SFI1: variants seen among roughly 807,000 people sequenced by gnomAD.
SFI1 encodes the protein protein SFI1 homolog.
In SFI1, 195 loss-of-function variants were observed where a neutral mutation model predicts 207.5. The observed-to-expected ratio is 0.94, with a 90% CI of 0.84 to 1.06. The LOEUF (loss-of-function observed/expected upper bound fraction) is 1.06. Among genes scored for constraint, SFI1 ranks in the 50% least tolerant of loss-of-function variants. SFI1 has a pLI of 0.00. For missense variants in SFI1, 1,634 were observed against 1,588.0 expected (o/e 1.03, Z -0.49); for synonymous variants, 630 against 598.9 (o/e 1.05, Z -0.76).
At position 31,618,317 on chromosome 22, in the gene SFI1, G is replaced by A; in HGVS notation, c.3628G>A (p.Glu1210Lys). Residue 1210 changes from glutamate (E) to lysine (K), a missense_variant, in exon 33 of 33, where the codon GAA (glutamate) becomes AAA (lysine). Coordinates refer to ENST00000400288, the MANE Select transcript of SFI1 (RefSeq NM_001007467.3). The stretch of plus-strand genomic sequence containing the variant: ...GCCTGTCCCTCCATGGCCCCAGGTG[G>A]AAATGCAGATCCAGCTGCTGGCAGA... ...QQVQKELEQV[E>K]MQIQLLAEEL... 6.2e-7 allele frequency: 1 copy of A among 1,609,104 alleles called. No individual in the cohort carries two copies. Among genetic ancestry groups the A allele is most frequent in the Non-Finnish European group, 8.5e-7 (1 of 1,176,674 alleles).
At chr22:31,503,041 C>T (rs1313780841) in intron 1 of SFI1, among the ~76,000 whole-genome samples, 3 of 106,626 alleles carry the variant, frequency 2.8e-5, no homozygotes, top group African/African-American at 7.8e-5. Context: ...GGCAACAAAG[C>T]GAGACTCTGT....
chr22:31,578,434 C>A lies in SFI1; in HGVS notation c.1137C>A (p.His379Gln). 1 of 1,613,656 alleles carries A rather than the reference C, an allele frequency of 6.2e-7. No homozygotes were observed. The highest frequency in any genetic ancestry group is 8.5e-7 in the Non-Finnish European group (1 of 1,179,728). The change falls in exon 11 of 33, where the codon CAC becomes CAA. Residue 379 changes from histidine to glutamine, a missense_variant. Physicochemically the swap from His to Gln is conservative, Grantham distance 24 (BLOSUM62 0). Transcript: ENST00000400288. ...CCCAGTTTGAGATGGCAGAAGAGCA[C>A]CACAGGCACAGCCAGCTGGTAAGAG... is the stretch of plus-strand genomic sequence containing the variant. Reference protein sequence around the residue: ...EAAQFEMAEEHHRHSQLYFCF... With the variant: ...EAAQFEMAEEQHRHSQLYFCF...
chr22:31,497,695 A>G (rs1601719063), intron 1 of SFI1, among the ~76,000 whole-genome samples: 1 of 152,044 alleles, frequency 6.6e-6, no homozygotes, highest in African/African-American at 2.4e-5. Context: ...GAAGCTAGAA[A>G]TGCCTATGCT....
chr22:31,591,435 C>T (rs1338456928), intron 15 of SFI1, among the ~76,000 whole-genome samples: 1 of 152,210 alleles, frequency 6.6e-6, no homozygotes, highest in East Asian at 1.9e-4. Flanking sequence ...CCTTCCATTC[C>T]ACAAAGCCGC....
Position 31,581,800 on chromosome 22 carries a change from C to T in SFI1, c.1248+1436C>T, listed in dbSNP as rs374796624. Among the ~76,000 whole-genome samples the T allele has an allele frequency of 5.9e-5, 9 of 152,042 alleles. No individual in the cohort carries two copies. In the South Asian group the frequency reaches 1.0e-3, roughly 18 times the overall value. On this transcript the variant is annotated intron_variant, in intron 12 of 32. Transcript: ENST00000400288. Reference sequence around the variant, plus strand: ...AAAGTATAATAAGCCTCTATATAGTCACTACCTGGATATAGTAATTGTTAA... The same window carrying T: ...AAAGTATAATAAGCCTCTATATAGTTACTACCTGGATATAGTAATTGTTAA...
intron 2 of SFI1, among the ~76,000 whole-genome samples, chr22:31,509,422 A>C (rs1381297440): frequency 3.3e-5 from 5 of 152,244 alleles, no homozygotes; most frequent in Non-Finnish European, 5.9e-5. Context: ...GTGTAAGTCC[A>C]AGAATCCAAC....
chr22:31,599,526 C>T (rs1165052570), intron 15 of SFI1, among the ~76,000 whole-genome samples: 1 of 152,094 alleles, frequency 6.6e-6, no homozygotes, highest in Admixed American at 6.6e-5. Context: ...AGGGTTTCAC[C>T]ATGTTGGGTT....
Position 31,585,134 on chromosome 22 carries a change from G to C in SFI1, c.1413G>C (p.Gln471His). ...LQYTQKRRYK[Q>H]LLQARADGHF... is the part of the protein sequence containing the mutation. ...ATACTCAGAAGAGGCGGTACAAGCA[G>C]GTATGGAGTACTTTTTAGCAGATAG... The change falls in exon 14 of 33, where the codon CAG (glutamine) becomes CAC (histidine). Residue 471 changes from glutamine (Q) to histidine (H), a missense_variant and splice_region_variant. By Grantham distance (24) the Gln-to-His change is conservative (BLOSUM62 0). Transcript: ENST00000400288. The C allele has an allele frequency of 6.2e-7, 1 of 1,613,418 alleles. No individual in the cohort carries two copies. The highest frequency in any genetic ancestry group is 1.1e-5 in the South Asian group (1 of 91,022).
chr22:31,541,009 C>T (rs2059428745), intron 4 of SFI1, among the ~76,000 whole-genome samples: 1 of 152,152 alleles, frequency 6.6e-6, no homozygotes, highest in Non-Finnish European at 1.5e-5. Context: ...TCTCCTCTGG[C>T]TCGCCTCTCC....
chr22:31,525,002 C>G (rs181536236), intron 2 of SFI1, among the ~76,000 whole-genome samples: 12 of 151,954 alleles, frequency 7.9e-5, no homozygotes, highest in African/African-American at 2.7e-4. Flanking sequence ...CCATGTTGGC[C>G]AGGCTGGTCT....
chr22:31,523,256 A>G (rs1457202947), intron 2 of SFI1, among the ~76,000 whole-genome samples: 1 of 152,144 alleles, frequency 6.6e-6, no homozygotes, highest in Non-Finnish European at 1.5e-5. Flanking sequence ...TTTTCTTTTT[A>G]TAATGTAATT....
chr22:31,496,948 G>T (rs977336384), intron 1 of SFI1, among the ~76,000 whole-genome samples: 30 of 152,226 alleles, frequency 2.0e-4, no homozygotes, highest in Non-Finnish European at 1.3e-4. Context: ...CCTGGCCGGT[G>T]CTCGAGTCCA....
intron 11 of SFI1, among the ~76,000 whole-genome samples, chr22:31,579,411 G>A (rs911286883): frequency 1.3e-5 from 2 of 151,848 alleles, no homozygotes; most frequent in Non-Finnish European, 2.9e-5. Flanking sequence ...TGCCTCCGGG[G>A]TTCACGCCAT....
At chr22:31,560,563 A>G (rs1260234392) in intron 7 of SFI1, among the ~76,000 whole-genome samples, 5 of 149,398 alleles carry the variant, frequency 3.3e-5, no homozygotes, top group African/African-American at 1.2e-4. Context: ...CACCATGTCC[A>G]GCTAATTTTT....
intron 1 of SFI1, among the ~76,000 whole-genome samples, chr22:31,497,046 G>A (rs2052790984): frequency 6.6e-6 from 1 of 152,200 alleles, no homozygotes; most frequent in Non-Finnish European, 1.5e-5. Flanking sequence ...TGGTATATGG[G>A]CGACCTTACT....
intron 4 of SFI1, among the ~76,000 whole-genome samples, chr22:31,532,869 A>C (rs1032795068): frequency 1.3e-5 from 2 of 152,192 alleles, no homozygotes; most frequent in Non-Finnish European, 2.9e-5. Context: ...GGCCTCCCCA[A>C]AGATAAGCCT....
chr22:31,497,312 C>A (rs975765653), intron 1 of SFI1: 3 of 152,184 alleles, frequency 2.0e-5, no homozygotes, highest in African/African-American at 7.2e-5. Flanking sequence ...ACTATTTTTT[C>A]AACAGCATGT....
intron 14 of SFI1, 30 bp from the exon 15 acceptor site, chr22:31,589,417 G>T (rs1349969720): frequency 5.1e-6 from 8 of 1,562,468 alleles, no homozygotes; most frequent in African/African-American, 2.8e-5. Flanking sequence ...AAAAAGTTAA[G>T]TACAAAGGTT....
At chr22:31,575,105 T>A in intron 9 of SFI1, 126 bp from the exon 10 acceptor site, 1 of 442,050 alleles carries the variant, frequency 2.3e-6, no homozygotes, top group South Asian at 3.5e-5. Context: ...TGTGTGTGTG[T>A]GTGTGTGTGT....
Sources: gnomAD v4.1 joint callset for allele counts (sites outside exome capture counted in the v4.1 genomes callset) on GRCh38, gnomAD v4.1.1 for gene constraint, MANE v1.5 for transcripts, NCBI Gene and HGNC (gene_info 2026-07-23, HGNC 2026-07-21) for gene names.